The following ARSG variants were observed in gnomAD, a reference collection of about 807,000 sequenced individuals.
The protein encoded by ARSG is arylsulfatase G, also known as ASG.
In ARSG, 37 loss-of-function variants were observed where a neutral mutation model predicts 50.5. That is an observed-to-expected ratio of 0.73 (90% confidence interval 0.56 to 0.96). The LOEUF is 0.96. Ranked by LOEUF, ARSG falls within the 50% of genes least tolerant of loss-of-function variation. The pLI, the probability that ARSG is intolerant of heterozygous loss-of-function variation, is 0.00. For synonymous variants in ARSG, 225 were observed against 254.6 expected (o/e 0.88, Z 1.11); for missense variants, 629 against 675.3 (o/e 0.93, Z 0.76).
At position 68,378,967 on chromosome 17, in the gene ARSG, G is replaced by A. The variant is rs2080289404; in HGVS notation, c.983-6097G>A. Among the ~76,000 whole-genome samples the A allele has an allele frequency of 6.6e-6, 1 of 152,152 alleles. No homozygotes were observed. The highest frequency in any genetic ancestry group is 2.1e-4 in the South Asian group (1 of 4,822). ...GGGGAAAAGTCAGAGGTGCTGTGAGGTGACAGAGCAAGGGATAAGGGACTC... is the reference window on the plus strand; with the variant it reads ...GGGGAAAAGTCAGAGGTGCTGTGAGATGACAGAGCAAGGGATAAGGGACTC... On this transcript the variant is annotated intron_variant, in intron 8 of 11. Coordinates refer to ENST00000621439, the MANE Select transcript of ARSG (RefSeq NM_001267727.2). The surrounding 1 kb of genome is among the most constrained non-coding windows in gnomAD (Gnocchi z 4.4).
rs561238719 is a variant in ARSG at position 68,339,693 on chromosome 17, G to C, written c.219-3911G>C. Among the ~76,000 whole-genome samples, 19 of 152,286 alleles carry C rather than the reference G, an allele frequency of 1.2e-4. No individual in the cohort carries two copies. The East Asian group carries it at 3.7e-3, about 29-fold the overall frequency. ...TGTTTTTCTATGAGCTGTATTTCCT[G>C]TAACCTGGAAATTAGATCTAGAGGT... On this transcript the variant is annotated intron_variant, in intron 2 of 11. Coordinates refer to ENST00000621439, the MANE Select transcript of ARSG (RefSeq NM_001267727.2).
intron 2 of ARSG, among the ~76,000 whole-genome samples, chr17:68,340,434 G>A (rs2078216274): frequency 6.6e-6 from 1 of 151,886 alleles, no homozygotes; most frequent in African/African-American, 2.4e-5. Flanking sequence ...ACAGGCGTGT[G>A]CCACCATGTC....
chr17:68,450,563 G>A, the ARSG span, among the ~76,000 whole-genome samples: 2 of 152,332 alleles, frequency 1.3e-5, no homozygotes, highest in East Asian at 3.9e-4. Flanking sequence ...CCAGCACCTG[G>A]AGTAGACTCT....
intron 9 of ARSG, among the ~76,000 whole-genome samples, chr17:68,388,856 C>T (rs1165447343): frequency 7.0e-6 from 1 of 142,268 alleles, no homozygotes; most frequent in African/African-American, 2.7e-5. Context: ...ACCCAAGAGG[C>T]GGAGGTTGCT....
At chr17:68,395,268 C>A in intron 10 of ARSG, 75 bp downstream of exon 10, 1 of 1,579,740 alleles carries the variant, frequency 6.3e-7, no homozygotes, top group South Asian at 1.1e-5. Context: ...TCTGTGCAGA[C>A]AGAACCATCA....
chr17:68,404,214 G>T (rs533091535), intron 11 of ARSG, among the ~76,000 whole-genome samples: 2 of 152,144 alleles, frequency 1.3e-5, no homozygotes, highest in African/African-American at 4.8e-5. Flanking sequence ...AATCCTTTGG[G>T]TGTATACCCA....
Position 68,395,127 on chromosome 17 carries a change from A to G in ARSG, c.1146A>G (p.Gln382=). Residue 382 remains glutamine (Q), a synonymous_variant, in exon 10 of 12, where the codon CAA becomes CAG. Coordinates refer to ENST00000621439, the MANE Select transcript of ARSG (RefSeq NM_001267727.2). ...CCCTGGCCCAGGCCAGCTTACCTCA[A>G]GGACGGCGCTTTGATGGTGTGGACG... ...VVALAQASLP[Q]GRRFDGVDVS... is the part of the protein sequence containing the mutation. 1 of 1,614,104 alleles carries G rather than the reference A, an allele frequency of 6.2e-7. No homozygotes were observed. The highest frequency in any genetic ancestry group is 8.5e-7 in the Non-Finnish European group (1 of 1,179,976).
chr17:68,414,259 A>T (rs2082230370), intron 11 of ARSG: 1 of 152,234 alleles, frequency 6.6e-6, no homozygotes, highest in African/African-American at 2.4e-5. Context: ...CTTTTACTGC[A>T]TCTATTGAGA....
chr17:68,418,744 T>G (rs2082552214), intron 11 of ARSG, among the ~76,000 whole-genome samples: 1 of 152,126 alleles, frequency 6.6e-6, no homozygotes, highest in Admixed American at 6.5e-5. Context: ...AGAATGCCAG[T>G]GAGCATTCCA....
intron 8 of ARSG, among the ~76,000 whole-genome samples, chr17:68,374,644 G>A (rs1219778311): frequency 6.6e-6 from 1 of 152,064 alleles, no homozygotes; most frequent in Non-Finnish European, 1.5e-5. Context: ...TTGAGGTCAG[G>A]AGTTCAAGAC....
the ARSG span, among the ~76,000 whole-genome samples, chr17:68,439,418 A>G: frequency 6.6e-6 from 1 of 152,212 alleles, no homozygotes; most frequent in Non-Finnish European, 1.5e-5. Flanking sequence ...TAAAATGTCC[A>G]GAATAGAGAA....
intron 1 of ARSG, among the ~76,000 whole-genome samples, chr17:68,259,612 GTTAATT>G (rs1457338912): frequency 6.6e-6 from 1 of 152,236 alleles, no homozygotes; most frequent in Non-Finnish European, 1.5e-5. Context: ...AGCAGGTGGA[GTTAATT>G]TTAATAGTAT....
At chr17:68,319,181 G>T (rs1346795123) in intron 2 of ARSG, among the ~76,000 whole-genome samples, 1 of 152,136 alleles carries the variant, frequency 6.6e-6, no homozygotes. Context: ...TTCCTTTTCA[G>T]CTGTATTCCT....
chr17:68,295,331 G>A (rs1808670680), intron 1 of ARSG, among the ~76,000 whole-genome samples: 1 of 152,094 alleles, frequency 6.6e-6, no homozygotes, highest in African/African-American at 2.4e-5. Context: ...GTTACCATTT[G>A]GTGCAGTATC....
the ARSG span, chr17:68,450,887 C>T: frequency 4.5e-5 from 72 of 1,611,540 alleles, no homozygotes; most frequent in African/African-American, 6.7e-5. Context: ...TGTAGACGTC[C>T]GGGATTTCAT....
At chr17:68,297,897 A>T (rs782530533) in intron 1 of ARSG, among the ~76,000 whole-genome samples, 3 of 151,626 alleles carry the variant, frequency 2.0e-5, no homozygotes, top group African/African-American at 4.9e-5. Context: ...ATTTCTTAGC[A>T]CTTACTGAGA....
intron 11 of ARSG, among the ~76,000 whole-genome samples, chr17:68,418,848 TA>T (rs551224423): frequency 6.6e-6 from 1 of 152,282 alleles, no homozygotes; most frequent in East Asian, 1.9e-4. Flanking sequence ...GAGCAACTGA[TA>T]AGTTTCTATC....
At position 68,379,421 on chromosome 17, in the gene ARSG, ATTTTTTTTTTT is replaced by A. The variant is rs375841879; in HGVS notation, c.983-5624_983-5614del. On this transcript the variant is annotated intron_variant, in intron 8 of 11. Coordinates refer to ENST00000621439, the MANE Select transcript of ARSG (RefSeq NM_001267727.2). The stretch of plus-strand genomic sequence containing the variant: ...GTGCCACCATGCCTGGAACACTACA[ATTTTTTTTTTT>A]TTTTTTTTTTTTTTTTTTACAGAGA... Among the ~76,000 whole-genome samples, 151 of 72,268 alleles carry A rather than the reference ATTTTTTTTTTT, an allele frequency of 2.1e-3. No individual in the cohort carries two copies. In the Middle Eastern group the frequency reaches 0.068, roughly 33 times the overall value. 47.4% of individuals were successfully genotyped at this position (72,268 alleles called of 152,430 possible).
downstream of ARSG, chr17:68,426,064 C>T: frequency 6.2e-7 from 1 of 1,612,482 alleles, no homozygotes; most frequent in Non-Finnish European, 8.5e-7. Flanking sequence ...TTACGGGTTC[C>T]TAATGCTCAC....
Sources: allele counts gnomAD v4.1 joint callset (sites outside exome capture counted in the v4.1 genomes callset), GRCh38; gene constraint gnomAD v4.1.1; non-coding constraint Gnocchi (gnomAD v3.1); transcripts MANE v1.5; gene names NCBI Gene and HGNC (gene_info 2026-07-23, HGNC 2026-07-21).